Variants in REEP1 observed in about 807,000 individuals in gnomAD.
REEP1 encodes the protein receptor accessory protein 1.
REEP1 carries 22 observed loss-of-function variants against 40.3 expected under a neutral mutation model. That is an observed-to-expected ratio of 0.55 (90% confidence interval 0.39 to 0.78). REEP1 has a LOEUF of 0.78. REEP1 is among the 30% of genes least tolerant of loss of function. The probability of loss-of-function intolerance (pLI) is 0.00; values close to 1 mark genes in which losing one functional copy is unlikely to be tolerated. For missense variants in REEP1, 280 were observed against 361.1 expected (o/e 0.78, Z 1.82); for synonymous variants, 116 against 139.2 (o/e 0.83, Z 1.17).
intron 1 of REEP1, among the ~76,000 whole-genome samples, chr2:86,307,214 A>G (rs892224214): frequency 6.6e-6 from 1 of 152,068 alleles, no homozygotes; most frequent in African/African-American, 2.4e-5. Context: ...AAAAAAAAAA[A>G]AAAGTCACAC....
chr2:86,245,467 T>C lies in REEP1; in HGVS notation c.417+6490A>G, dbSNP rs144596711. Among the ~76,000 whole-genome samples, 38 of 152,356 alleles carry C rather than the reference T, an allele frequency of 2.5e-4. 1 individual carries two copies. The highest frequency in any genetic ancestry group is 5.2e-4 in the Admixed American group (8 of 15,300). ...GCTACTCTCCGATAAGTTAAAGATA[T>C]GCTGTTTGAGCACAAAGGAGATTCA... On this transcript the variant is annotated intron_variant, in intron 5 of 8. Transcript: ENST00000538924.
At chr2:86,251,930 G>C in intron 5 of REEP1, 27 bp downstream of exon 5, 5 of 1,483,190 alleles carry the variant, frequency 3.4e-6, no homozygotes, top group Non-Finnish European at 4.7e-6. Flanking sequence ...TGAGACTCAT[G>C]TAGTTGTGGT....
intron 1 of REEP1, among the ~76,000 whole-genome samples, chr2:86,325,007 C>G (rs1168001543): frequency 6.6e-6 from 1 of 152,206 alleles, no homozygotes; most frequent in Non-Finnish European, 1.5e-5. Context: ...CCCCTCACCA[C>G]CATTTCTTTA....
intron 1 of REEP1, among the ~76,000 whole-genome samples, chr2:86,324,344 C>T (rs897686534): frequency 2.4e-4 from 36 of 152,084 alleles, no homozygotes; most frequent in African/African-American, 7.0e-4. Context: ...CTTGAGCAGG[C>T]GCTTCACAGA....
At chr2:86,320,799 A>G (rs1680242667) in intron 1 of REEP1, among the ~76,000 whole-genome samples, 1 of 152,264 alleles carries the variant, frequency 6.6e-6, no homozygotes, top group African/African-American at 2.4e-5. Flanking sequence ...CAGCAGTGAC[A>G]GAAAAATAAA....
At chr2:86,221,813 C>G (rs1303674913) in intron 7 of REEP1, among the ~76,000 whole-genome samples, 1 of 152,136 alleles carries the variant, frequency 6.6e-6, no homozygotes, top group Non-Finnish European at 1.5e-5. Flanking sequence ...GAGCTTGACA[C>G]CCCCATTAAC....
chr2:86,291,465 G>T (rs1014004349), intron 1 of REEP1, among the ~76,000 whole-genome samples: 3 of 152,100 alleles, frequency 2.0e-5, no homozygotes, highest in African/African-American at 7.2e-5. Context: ...CAGCCTCTCT[G>T]TAGTCTTTCC....
At chr2:86,252,320 T>C (rs1243078043) in intron 4 of REEP1, among the ~76,000 whole-genome samples, 1 of 152,148 alleles carries the variant, frequency 6.6e-6, no homozygotes, top group African/African-American at 2.4e-5. Context: ...TCTAAAGCCC[T>C]CTGACCTTCC....
intron 5 of REEP1, chr2:86,251,337 C>T (rs1000974037): frequency 6.3e-6 from 1 of 157,702 alleles, no homozygotes; most frequent in Admixed American, 6.0e-5. Context: ...AGAAGTAATG[C>T]TCACACCACA....
intron 1 of REEP1, among the ~76,000 whole-genome samples, chr2:86,312,406 C>T (rs1466766278): frequency 2.0e-5 from 3 of 152,236 alleles, no homozygotes; most frequent in African/African-American, 7.2e-5. Context: ...TGCAGAAGCA[C>T]TGGACCCTAA....
At chr2:86,235,972 T>G (rs544754926) in intron 5 of REEP1, among the ~76,000 whole-genome samples, 1 of 152,212 alleles carries the variant, frequency 6.6e-6, no homozygotes, top group Admixed American at 6.5e-5. Context: ...ATCCCAGCAC[T>G]TTGGGAGGCC....
rs1674004689 is a variant in REEP1, at chr2:86,214,606, A to C, written c.*2433T>G. The C allele has an allele frequency of 6.6e-6, 1 of 152,658 alleles. No homozygotes were observed. Among genetic ancestry groups the C allele is most frequent in the African/African-American group, 2.4e-5 (1 of 41,452 alleles). The allele number at this position is 152,658 out of a possible 1,614,324, so 9.5% of individuals were successfully genotyped here. On this transcript the variant is annotated 3_prime_UTR_variant, in exon 9 of 9. Transcript: ENST00000538924. ...ACCACACCACTACATGTACACTTAC[A>C]GGCTTTCACATTTTATGTCAGTTCA...
At chr2:86,315,721 T>C (rs1679966786) in intron 1 of REEP1, among the ~76,000 whole-genome samples, 1 of 152,172 alleles carries the variant, frequency 6.6e-6, no homozygotes, top group African/African-American at 2.4e-5. Flanking sequence ...TTGGCTTTAG[T>C]ATTGGTAAGA....
At position 86,282,236 on chromosome 2, in the gene REEP1, T is replaced by G. The variant is rs773346096; in HGVS notation, c.39A>C (p.Ile13=). 1.2e-6 allele frequency: 2 copies of G among 1,604,756 alleles called. No homozygotes were observed. The highest frequency in any genetic ancestry group is 2.7e-5 in the African/African-American group (2 of 74,830). Residue 13 remains isoleucine, a synonymous_variant, in exon 2 of 9, where the codon ATA becomes ATC. Coordinates refer to ENST00000538924, the MANE Select transcript of REEP1 (RefSeq NM_001371279.1). The part of the protein sequence containing the change: ...SWIISRLVVL[I]FGTLYPAYYS... ...AATACGCAGGGTAAAGGGTGCCAAA[T>G]ATAAGCCTGGAGGGAAGAGAGACAA...
intron 1 of REEP1, among the ~76,000 whole-genome samples, chr2:86,315,285 A>C (rs1679941885): frequency 6.6e-6 from 1 of 152,138 alleles, no homozygotes; most frequent in Non-Finnish European, 1.5e-5. Flanking sequence ...GACACCCCCA[A>C]GTCACATCCA....
chr2:86,264,386 G>A (rs1408150382), intron 2 of REEP1, among the ~76,000 whole-genome samples: 1 of 152,104 alleles, frequency 6.6e-6, no homozygotes, highest in African/African-American at 2.4e-5. Context: ...ACACACCCTG[G>A]AATGAAGTGT....
intron 6 of REEP1, 75 bp downstream of exon 6, chr2:86,232,550 C>T: frequency 6.5e-6 from 10 of 1,545,900 alleles, no homozygotes; most frequent in Non-Finnish European, 8.8e-6. Flanking sequence ...CTGCATGCCA[C>T]ACTGCGGACT....
chr2:86,317,437 C>T (rs1413384219), intron 1 of REEP1, among the ~76,000 whole-genome samples: 1 of 152,176 alleles, frequency 6.6e-6, no homozygotes, highest in Non-Finnish European at 1.5e-5. Flanking sequence ...CCTAGGGGAT[C>T]TCAAGAACCT....
Position 86,227,391 on chromosome 2 carries a change from G to A in REEP1, c.603C>T (p.Thr201=). ...TCCAGGTCCTGCAGGTGGAGCAGCA[G>A]GTACACACTGTGGGAATGGGGTAGG... ...ASESASSSVC[T]CCSTCRTWKV... The change falls in exon 7 of 9, where the codon ACC becomes ACT. Residue 201 remains threonine (T), a synonymous_variant. Transcript: ENST00000538924. 1 of 1,232,412 alleles carries A rather than the reference G, an allele frequency of 8.1e-7. No homozygotes were observed. The highest frequency in any genetic ancestry group is 1.0e-6 in the Non-Finnish European group (1 of 988,198). The allele number at this position is 1,232,412 out of a possible 1,614,324, so 76.3% of individuals were successfully genotyped here.
Sources: gnomAD v4.1 joint callset for allele counts (sites outside exome capture counted in the v4.1 genomes callset) on GRCh38, gnomAD v4.1.1 for gene constraint, MANE v1.5 for transcripts, NCBI Gene and HGNC (gene_info 2026-07-23, HGNC 2026-07-21) for gene names.